Variants in PTPRD observed in about 807,000 individuals in gnomAD.
The protein encoded by PTPRD is receptor-type tyrosine-protein phosphatase delta.
A neutral mutation model predicts 214.5 loss-of-function variants in PTPRD; 34 were observed. The observed-to-expected ratio is 0.16, with a 90% CI of 0.12 to 0.21. The LOEUF is 0.21. PTPRD is among the 10% of genes least tolerant of loss of function. The pLI, the probability that PTPRD is intolerant of heterozygous loss-of-function variation, is 1.00. For synonymous variants in PTPRD, 1,128 were observed against 845.7 expected (o/e 1.33, Z -5.79); for missense variants, 2,545 against 2,398.7 (o/e 1.06, Z -1.27).
chr9:8,583,196 G>C (rs2093338167), intron 14 of PTPRD, among the ~76,000 whole-genome samples: 1 of 152,162 alleles, frequency 6.6e-6, no homozygotes, highest in African/African-American at 2.4e-5. Flanking sequence ...CGCCTCCACT[G>C]ATCTGACAGG....
At chr9:8,385,252 C>T (rs528957947) in intron 37 of PTPRD, among the ~76,000 whole-genome samples, 6 of 152,024 alleles carry the variant, frequency 3.9e-5, no homozygotes, top group Admixed American at 2.6e-4. Context: ...CAGCCAGGCA[C>T]GGGCTGGCTC....
chr9:8,989,033 T>C (rs1051618228), intron 11 of PTPRD, among the ~76,000 whole-genome samples: 2 of 152,044 alleles, frequency 1.3e-5, no homozygotes, highest in Non-Finnish European at 2.9e-5. Context: ...ATATTAGTAG[T>C]TGTTTTGAGT....
intron 14 of PTPRD, among the ~76,000 whole-genome samples, chr9:8,601,731 T>C (rs2094880912): frequency 6.6e-6 from 1 of 152,200 alleles, no homozygotes; most frequent in Admixed American, 6.5e-5. Context: ...TGATTGACAG[T>C]GTTGTCACAG....
At position 8,466,485 on chromosome 9, in the gene PTPRD, C is replaced by T. The variant is rs149792124; in HGVS notation, c.3505-810G>A. Among the ~76,000 whole-genome samples, 483 of 151,896 alleles carry T rather than the reference C, an allele frequency of 3.2e-3. 5 individuals are homozygous for T. Among genetic ancestry groups the T allele is most frequent in the African/African-American group, 0.011 (457 of 41,502 alleles). ...AGAGATAGAGTTTATTTCTGGATAA[C>T]CTATTATTTTTCATTGACTCCTTCA... On this transcript the variant is annotated intron_variant, in intron 31 of 45. Transcript: ENST00000381196.
intron 7 of PTPRD, among the ~76,000 whole-genome samples, chr9:9,690,536 C>A (rs541283033): frequency 6.6e-5 from 10 of 151,950 alleles, no homozygotes; most frequent in Non-Finnish European, 8.8e-5. Flanking sequence ...CTTATCCCCT[C>A]AAATCATTGC....
rs188712715 is a variant in PTPRD at position 9,284,471 on chromosome 9, G to T, written c.-202-101108C>A. On this transcript the variant is annotated intron_variant, in intron 9 of 45. Coordinates refer to ENST00000381196, the MANE Select transcript of PTPRD (RefSeq NM_002839.4). ...AGAACTGATCAGCTTACGAGCACAAGCAAAACAATATTAACTACTGAAATT... is the reference window on the plus strand; with the variant it reads ...AGAACTGATCAGCTTACGAGCACAATCAAAACAATATTAACTACTGAAATT... 8.6e-5 allele frequency among the ~76,000 whole-genome samples: 13 copies of T among 151,750 alleles called. No homozygotes were observed. The East Asian group carries it at 2.6e-3, about 30-fold the overall frequency.
rs1786019765 is a variant in PTPRD, at chr9:9,591,774, G to C, written c.-286-16993C>G. ...TGTAATGATCAAATCAGGGTCATTA[G>C]CATATTCATCACCTCAAATACTTAT... On this transcript the variant is annotated intron_variant, in intron 7 of 45. Coordinates refer to ENST00000381196, the MANE Select transcript of PTPRD (RefSeq NM_002839.4). 3.9e-5 allele frequency among the ~76,000 whole-genome samples: 6 copies of C among 152,116 alleles called. No homozygotes were observed. In the South Asian group the frequency reaches 1.2e-3, roughly 32 times the overall value.
At chr9:8,383,671 C>A (rs934210271) in intron 37 of PTPRD, among the ~76,000 whole-genome samples, 1 of 152,142 alleles carries the variant, frequency 6.6e-6, no homozygotes, top group African/African-American at 2.4e-5. Flanking sequence ...TGGCACAGCC[C>A]ACATTGGATT....
In PTPRD at chr9:10,001,918, T is replaced by C. The variant is rs57243591; in HGVS notation, c.-472+31800A>G. Among the ~76,000 whole-genome samples the C allele has an allele frequency of 9.7e-3, 1,482 of 152,104 alleles. 20 individuals carry two copies. The highest frequency in any genetic ancestry group is 0.033 in the African/African-American group (1,387 of 41,518). On this transcript the variant is annotated intron_variant, in intron 4 of 45. Coordinates refer to ENST00000381196, the MANE Select transcript of PTPRD (RefSeq NM_002839.4). The stretch of plus-strand genomic sequence containing the variant: ...ACAAGATAATGTAAATATATTTTTG[T>C]TTAAAACGCTTTTATACTCCTACCT...
At chr9:9,180,568 G>A (rs1308098204) in intron 10 of PTPRD, among the ~76,000 whole-genome samples, 3 of 151,988 alleles carry the variant, frequency 2.0e-5, no homozygotes, top group African/African-American at 7.2e-5. Flanking sequence ...TGCACGTTGT[G>A]CACATGTACT....
At chr9:9,120,896 A>G (rs2099816997) in intron 10 of PTPRD, among the ~76,000 whole-genome samples, 1 of 152,208 alleles carries the variant, frequency 6.6e-6, no homozygotes, top group Non-Finnish European at 1.5e-5. Context: ...TGAATCTAAA[A>G]TGCAACTAAG....
At position 10,184,389 on chromosome 9, in the gene PTPRD, C is replaced by T. The variant is rs532848672; in HGVS notation, c.-544-150599G>A. Among the ~76,000 whole-genome samples the T allele has an allele frequency of 2.2e-3, 331 of 152,132 alleles. 1 individual carries two copies. The highest frequency in any genetic ancestry group is 2.9e-3 in the Admixed American group (44 of 15,264). ...GCAATGAGCCAAGATGGCACCACGGCACTCCAGCCTGGAAAACAGAGCGAG... is the reference window on the plus strand; with the variant it reads ...GCAATGAGCCAAGATGGCACCACGGTACTCCAGCCTGGAAAACAGAGCGAG... On this transcript the variant is annotated intron_variant, in intron 3 of 45. Coordinates refer to ENST00000381196, the MANE Select transcript of PTPRD (RefSeq NM_002839.4).
At chr9:10,045,171 T>C (rs2097366089) in intron 3 of PTPRD, among the ~76,000 whole-genome samples, 1 of 151,808 alleles carries the variant, frequency 6.6e-6, no homozygotes, top group Admixed American at 6.6e-5. Flanking sequence ...GTTCAGAAAA[T>C]ATCTATTTTA....
intron 3 of PTPRD, among the ~76,000 whole-genome samples, chr9:10,234,172 T>G (rs1594938079): frequency 6.6e-6 from 1 of 151,774 alleles, no homozygotes. Flanking sequence ...GAGAATTGCT[T>G]GAACCCGGGA....
intron 4 of PTPRD, among the ~76,000 whole-genome samples, chr9:9,990,849 G>A (rs1028098292): frequency 2.6e-5 from 4 of 152,034 alleles, no homozygotes; most frequent in Non-Finnish European, 4.4e-5. Flanking sequence ...CTCTATGAGG[G>A]TCCTCAAGAG....
chr9:10,420,867 A>G (rs1292724771), intron 2 of PTPRD, among the ~76,000 whole-genome samples: 1 of 151,700 alleles, frequency 6.6e-6, no homozygotes, highest in East Asian at 2.0e-4. Flanking sequence ...AAGTTATTGT[A>G]ATGAATGGAT....
intron 5 of PTPRD, among the ~76,000 whole-genome samples, chr9:9,923,082 G>A (rs1396522550): frequency 2.0e-5 from 3 of 149,640 alleles, no homozygotes; most frequent in South Asian, 2.1e-4. Context: ...ACCATGTAAC[G>A]TAAAATGACT....
At chr9:8,567,189 G>A (rs2089570960) in intron 14 of PTPRD, among the ~76,000 whole-genome samples, 3 of 152,154 alleles carry the variant, frequency 2.0e-5, no homozygotes, top group South Asian at 4.1e-4. Context: ...AATGCAGATG[G>A]GTTCCATGAT....
chr9:10,233,114 C>A (rs1407208435), intron 3 of PTPRD, among the ~76,000 whole-genome samples: 1 of 151,954 alleles, frequency 6.6e-6, no homozygotes, highest in Admixed American at 6.6e-5. Context: ...TGAAACCTTT[C>A]AGAATTCTGG....
Sources: gnomAD v4.1 joint callset for allele counts (sites outside exome capture counted in the v4.1 genomes callset) on GRCh38, gnomAD v4.1.1 for gene constraint, MANE v1.5 for transcripts, NCBI Gene and HGNC (gene_info 2026-07-23, HGNC 2026-07-21) for gene names.